The following TRPC6 variants were observed in gnomAD, a reference collection of about 807,000 sequenced individuals.
TRPC6 encodes transient receptor potential cation channel subfamily C member 6.
Under a neutral mutation model 90.7 loss-of-function variants are expected in TRPC6, and 55 were observed. That is an observed-to-expected ratio of 0.61 (90% confidence interval 0.49 to 0.76). The LOEUF (loss-of-function observed/expected upper bound fraction) is 0.76. TRPC6 is among the 30% of genes least tolerant of loss of function. TRPC6 has a pLI of 0.00. For missense variants in TRPC6, 989 were observed against 1,122.7 expected (o/e 0.88, Z 1.70); for synonymous variants, 393 against 393.0 (o/e 1.00, Z 0.00).
intron 1 of TRPC6, among the ~76,000 whole-genome samples, chr11:101,557,849 G>C (rs748016299): frequency 2.6e-5 from 4 of 151,968 alleles, no homozygotes; most frequent in Non-Finnish European, 4.4e-5. Flanking sequence ...ATAAAATGTT[G>C]ATAAAACAAA....
At chr11:101,559,878 T>C (rs1206192427) in intron 1 of TRPC6, among the ~76,000 whole-genome samples, 1 of 146,334 alleles carries the variant, frequency 6.8e-6, no homozygotes, top group Non-Finnish European at 1.5e-5. Flanking sequence ...AGGGAGAACA[T>C]GTGGTGTTTG....
At chr11:101,549,013 TTC>T (rs1336540251) in intron 1 of TRPC6, among the ~76,000 whole-genome samples, 3 of 137,386 alleles carry the variant, frequency 2.2e-5, no homozygotes, top group Non-Finnish European at 3.1e-5. Flanking sequence ...CTTTGTATCC[TTC>T]TGTTTTTTTT....
At chr11:101,485,726 T>G (rs1224835922) in intron 4 of TRPC6, among the ~76,000 whole-genome samples, 2 of 152,078 alleles carry the variant, frequency 1.3e-5, no homozygotes, top group Non-Finnish European at 2.9e-5. Context: ...CATCATACAG[T>G]AGAGCGTAAA....
chr11:101,559,357 T>A (rs1476212279), intron 1 of TRPC6, among the ~76,000 whole-genome samples: 2 of 152,192 alleles, frequency 1.3e-5, no homozygotes, highest in African/African-American at 4.8e-5. Flanking sequence ...CCCCATAAAA[T>A]TAGACAATTA....
At chr11:101,582,868 G>A (rs1374198772) in intron 1 of TRPC6, among the ~76,000 whole-genome samples, 3 of 152,028 alleles carry the variant, frequency 2.0e-5, no homozygotes, top group Non-Finnish European at 4.4e-5. Context: ...ACCGCCGGGC[G>A]CACCCAGCAC....
At chr11:101,487,889 T>C (rs1351420205) in intron 4 of TRPC6, among the ~76,000 whole-genome samples, 2 of 152,170 alleles carry the variant, frequency 1.3e-5, no homozygotes, top group African/African-American at 4.8e-5. Context: ...TTGCACAAGC[T>C]TTCTAGCATG....
chr11:101,507,248 A>G (rs1377042419), intron 1 of TRPC6, among the ~76,000 whole-genome samples: 1 of 152,062 alleles, frequency 6.6e-6, no homozygotes, highest in African/African-American at 2.4e-5. Context: ...TCAGTGCTCT[A>G]TATACATATG....
At chr11:101,566,571 T>C (rs1861836007) in intron 1 of TRPC6, among the ~76,000 whole-genome samples, 1 of 152,178 alleles carries the variant, frequency 6.6e-6, no homozygotes, top group Non-Finnish European at 1.5e-5. Flanking sequence ...CCAGGTCTTA[T>C]TACTCATCAA....
intron 1 of TRPC6, among the ~76,000 whole-genome samples, chr11:101,533,569 A>G (rs539779670): frequency 6.6e-6 from 1 of 152,270 alleles, no homozygotes; most frequent in South Asian, 2.1e-4. Context: ...TGCAAACCAT[A>G]TCAGAGTTGT....
intron 1 of TRPC6, among the ~76,000 whole-genome samples, chr11:101,525,012 G>A (rs893089620): frequency 6.6e-5 from 10 of 152,098 alleles, no homozygotes; most frequent in South Asian, 4.1e-4. Context: ...TAGCCTTTGC[G>A]TTAAGTAGAA....
intron 9 of TRPC6, among the ~76,000 whole-genome samples, chr11:101,469,768 A>C (rs1202292737): frequency 6.6e-6 from 1 of 152,200 alleles, no homozygotes; most frequent in African/African-American, 2.4e-5. Context: ...CAATCCACTG[A>C]GTTCTGTAAG....
At chr11:101,511,710 G>C (rs1860397476) in intron 1 of TRPC6, among the ~76,000 whole-genome samples, 1 of 152,120 alleles carries the variant, frequency 6.6e-6, no homozygotes, top group Non-Finnish European at 1.5e-5. Context: ...ATGGAACTAG[G>C]GCCAGGTGCG....
At chr11:101,559,776 CCT>C (rs1199081894) in intron 1 of TRPC6, among the ~76,000 whole-genome samples, 43 of 113,028 alleles carry the variant, frequency 3.8e-4, no homozygotes, top group Non-Finnish European at 4.2e-4. Context: ...TAATGCTATC[CCT>C]CCCCCCTCCC....
At chr11:101,477,495 G>C (rs1859443708) in intron 5 of TRPC6, among the ~76,000 whole-genome samples, 1 of 152,104 alleles carries the variant, frequency 6.6e-6, no homozygotes, top group South Asian at 2.1e-4. Context: ...GCCTAGATGG[G>C]ATGACAGGAA....
intron 1 of TRPC6, among the ~76,000 whole-genome samples, chr11:101,526,737 G>T (rs1013906109): frequency 1.3e-5 from 2 of 151,332 alleles, no homozygotes; most frequent in Non-Finnish European, 2.9e-5. Context: ...GGTGGCGGGT[G>T]CCTGTAATCC....
chr11:101,471,500 C>T, intron 8 of TRPC6, 114 bp from the exon 9 acceptor site: 2 of 1,081,494 alleles, frequency 1.8e-6, no homozygotes, highest in Middle Eastern at 2.9e-4. Flanking sequence ...TCTCAGACCC[C>T]AGTGATCGTT....
rs61739601 is a variant in TRPC6 at position 101,472,254 on chromosome 11, G to A, written c.2088C>T (p.Asn696=). Residue 696 remains asparagine (N), a synonymous_variant, in exon 8 of 13, where the codon AAC becomes AAT. Transcript: ENST00000344327. ...SEVKSVVINY[N]HKFIENIGYV... is the part of the protein sequence containing the mutation. The stretch of plus-strand genomic sequence containing the variant: ...AACCAATGTTTTCAATGAATTTGTG[G>A]TTATAGTTGATGACCACTGATTTCA... 1.3e-3 allele frequency: 2,164 copies of A among 1,613,220 alleles called. 26 individuals carry two copies. The African/African-American group carries it at 0.026, about 19-fold the overall frequency.
At chr11:101,454,752 T>C (rs1020796723) in intron 11 of TRPC6, among the ~76,000 whole-genome samples, 1 of 152,134 alleles carries the variant, frequency 6.6e-6, no homozygotes. Flanking sequence ...GTCGTCTTTA[T>C]GTTTTTTGTA....
intron 4 of TRPC6, among the ~76,000 whole-genome samples, chr11:101,486,408 T>C (rs1235092923): frequency 1.3e-5 from 2 of 152,122 alleles, no homozygotes; most frequent in Non-Finnish European, 2.9e-5. Context: ...AGCATTGAAA[T>C]AAATACTTGT....
Sources: allele counts gnomAD v4.1 joint callset (sites outside exome capture counted in the v4.1 genomes callset), GRCh38; gene constraint gnomAD v4.1.1; transcripts MANE v1.5; gene names NCBI Gene and HGNC (gene_info 2026-07-23, HGNC 2026-07-21).